The following PLEKHG1 variants were observed in gnomAD, a reference collection of about 807,000 sequenced individuals.
The protein encoded by PLEKHG1 is pleckstrin homology and RhoGEF domain containing G1.
A neutral mutation model predicts 100.8 loss-of-function variants in PLEKHG1; 44 were observed. The observed-to-expected ratio is 0.44, with a 90% CI of 0.34 to 0.56. PLEKHG1 has a LOEUF of 0.56. Ranked by LOEUF, PLEKHG1 falls within the 20% of genes least tolerant of loss-of-function variation. The pLI, the probability that PLEKHG1 is intolerant of heterozygous loss-of-function variation, is 0.01. For missense variants in PLEKHG1, 1,545 were observed against 1,720.9 expected, an observed-to-expected ratio of 0.90 and a Z score of 1.81; for synonymous variants, 640 against 662.5, an observed-to-expected ratio of 0.97 and a Z score of 0.52.
In PLEKHG1 at chr6:150,830,674, CG is replaced by C; in HGVS notation, c.1564del (p.Val522CysfsTer50). The C allele has an allele frequency of 6.2e-7, 1 of 1,614,070 alleles. No individual in the cohort carries two copies. The highest frequency in any genetic ancestry group is 8.5e-7 in the Non-Finnish European group (1 of 1,179,930). On this transcript the variant is annotated frameshift_variant, in exon 15 of 16. Transcript: ENST00000358517. LOFTEE classifies it high-confidence loss of function. ...AGCCTAGCAGTTCTACCATGATCAG[CG>C]TGCTTCGAGCGGGTGGAGCTCTCAG...
At chr6:150,734,581 G>C (rs925694555) in intron 2 of PLEKHG1, among the ~76,000 whole-genome samples, 1 of 152,170 alleles carries the variant, frequency 6.6e-6, no homozygotes, top group Non-Finnish European at 1.5e-5. Context: ...TTGGGTGGTG[G>C]AATTGTTGAA....
chr6:150,797,663 C>T (rs1005213811), intron 5 of PLEKHG1, among the ~76,000 whole-genome samples: 8 of 151,566 alleles, frequency 5.3e-5, no homozygotes, highest in East Asian at 1.9e-4. Context: ...GGCAAAACCC[C>T]GTCTCTACTA....
chr6:150,698,154 T>A (rs1207769869), intron 3 of PLEKHG1, among the ~76,000 whole-genome samples: 1 of 152,210 alleles, frequency 6.6e-6, no homozygotes, highest in Non-Finnish European at 1.5e-5. Flanking sequence ...ATGAAATTCA[T>A]TTAGGTTTCC....
intron 1 of PLEKHG1, among the ~76,000 whole-genome samples, chr6:150,603,766 T>C (rs918628824): frequency 3.9e-5 from 6 of 152,076 alleles, no homozygotes; most frequent in Non-Finnish European, 1.5e-5. Context: ...TTGGTAAATA[T>C]TGAATTACCG....
intron 2 of PLEKHG1, among the ~76,000 whole-genome samples, chr6:150,753,862 TC>T (rs1247620463): frequency 1.3e-5 from 2 of 152,214 alleles, no homozygotes; most frequent in Non-Finnish European, 2.9e-5. Flanking sequence ...TGTACAGCCC[TC>T]GCCTCTTAGC....
chr6:150,622,137 G>A (rs1397125873), intron 1 of PLEKHG1, among the ~76,000 whole-genome samples: 1 of 152,146 alleles, frequency 6.6e-6, no homozygotes, highest in Non-Finnish European at 1.5e-5. Context: ...GGAGCAGAGA[G>A]CTGAATGAGC....
chr6:150,642,416 C>T (rs986433723), intron 2 of PLEKHG1, among the ~76,000 whole-genome samples: 1 of 152,182 alleles, frequency 6.6e-6, no homozygotes, highest in Admixed American at 6.5e-5. Flanking sequence ...ACCTTGCTAA[C>T]TTTCATAATC....
intron 3 of PLEKHG1, among the ~76,000 whole-genome samples, chr6:150,712,223 G>C (rs912076675): frequency 4.6e-5 from 7 of 152,154 alleles, no homozygotes; most frequent in Non-Finnish European, 1.0e-4. Flanking sequence ...AAATCAATGA[G>C]GGAGTGGAGG....
chr6:150,684,311 A>C (rs1372803741), intron 3 of PLEKHG1, among the ~76,000 whole-genome samples: 1 of 152,216 alleles, frequency 6.6e-6, no homozygotes, highest in South Asian at 2.1e-4. Context: ...GCGTGAGACA[A>C]ACTGTAGCAA....
chr6:150,762,270 A>T (rs1404778953), intron 2 of PLEKHG1, among the ~76,000 whole-genome samples: 2 of 149,158 alleles, frequency 1.3e-5, no homozygotes, highest in East Asian at 3.9e-4. Context: ...GCTCACTTCA[A>T]CCTCTGCCTC....
chr6:150,809,548 T>C, intron 9 of PLEKHG1, 72 bp downstream of exon 10: 9 of 1,513,688 alleles, frequency 5.9e-6, no homozygotes, highest in South Asian at 2.2e-5. Context: ...CATGTGGCTT[T>C]TTGAGAGCGT....
chr6:150,661,101 C>T (rs1406142047), intron 3 of PLEKHG1, among the ~76,000 whole-genome samples: 1 of 152,120 alleles, frequency 6.6e-6, no homozygotes. Context: ...GAATAGAATG[C>T]ATGGTTCTGT....
intron 3 of PLEKHG1, among the ~76,000 whole-genome samples, chr6:150,655,707 C>CAAA (rs775753925): frequency 9.7e-4 from 37 of 38,282 alleles, no homozygotes; most frequent in South Asian, 2.0e-3. Flanking sequence ...GACTCCATCT[C>CAAA]AAAAAAAAAA....
At chr6:150,727,667 A>G (rs1051725803) in intron 1 of PLEKHG1, among the ~76,000 whole-genome samples, 1 of 152,014 alleles carries the variant, frequency 6.6e-6, no homozygotes, top group South Asian at 2.1e-4. Context: ...TCATTGTGCG[A>G]CTCAGTAAGT....
chr6:150,697,082 G>C (rs1582958350), intron 3 of PLEKHG1, among the ~76,000 whole-genome samples: 2 of 132,474 alleles, frequency 1.5e-5, no homozygotes, highest in Non-Finnish European at 3.2e-5. Context: ...GGGCAACAGA[G>C]TGAGACTCTG....
intron 1 of PLEKHG1, among the ~76,000 whole-genome samples, chr6:150,630,789 G>A (rs1777716340): frequency 6.6e-6 from 1 of 152,024 alleles, no homozygotes; most frequent in East Asian, 1.9e-4. Context: ...ATAGAGAAGA[G>A]GTCAGGAGGC....
intron 2 of PLEKHG1, among the ~76,000 whole-genome samples, chr6:150,639,022 C>A (rs1778138919): frequency 6.6e-6 from 1 of 152,184 alleles, no homozygotes; most frequent in African/African-American, 2.4e-5. Flanking sequence ...TCTGTCTTCA[C>A]TTCCTCTGGA....
chr6:150,614,974 G>C (rs943645739), intron 1 of PLEKHG1, among the ~76,000 whole-genome samples: 10 of 152,120 alleles, frequency 6.6e-5, no homozygotes, highest in African/African-American at 2.4e-4. Context: ...TGAAATTAGA[G>C]CTGTATTCCT....
intron 11 of PLEKHG1, 66 bp downstream of exon 12, chr6:150,818,282 T>A (rs1165519532): frequency 8.7e-7 from 1 of 1,150,738 alleles, no homozygotes; most frequent in Non-Finnish European, 1.3e-6. Flanking sequence ...ACATTTTCTA[T>A]CTTAAAGTTC....
Sources: allele counts gnomAD v4.1 joint callset (sites outside exome capture counted in the v4.1 genomes callset), GRCh38; gene constraint gnomAD v4.1.1; transcripts MANE v1.5; gene names NCBI Gene and HGNC (gene_info 2026-07-23, HGNC 2026-07-21).